The following ATP2B1 variants were observed in gnomAD, a reference collection of about 807,000 sequenced individuals.
ATP2B1 encodes the protein ATPase plasma membrane Ca2+ transporting 1.
Under a neutral mutation model 124.2 loss-of-function variants are expected in ATP2B1, and 14 were observed. The ratio of observed to expected loss-of-function variants is 0.11; its 90% CI spans 0.07 to 0.18. The LOEUF (loss-of-function observed/expected upper bound fraction) is 0.18, where lower values mean the gene tolerates loss of function less well. Ranked by LOEUF, ATP2B1 falls within the 10% of genes least tolerant of loss-of-function variation. ATP2B1 has a pLI of 1.00. For synonymous variants in ATP2B1, 449 were observed against 492.4 expected (o/e 0.91, Z 1.17); for missense variants, 763 against 1,466.1 (o/e 0.52, Z 7.83).
At chr12:89,669,317 T>C (rs1050368661) in intron 1 of ATP2B1, among the ~76,000 whole-genome samples, 10 of 152,156 alleles carry the variant, frequency 6.6e-5, no homozygotes, top group African/African-American at 9.7e-5. Context: ...GGCAATGATA[T>C]TGAAGACAAA....
intron 1 of ATP2B1, among the ~76,000 whole-genome samples, chr12:89,686,332 A>C (rs1377698064): frequency 6.6e-6 from 1 of 152,086 alleles, no homozygotes; most frequent in Non-Finnish European, 1.5e-5. Flanking sequence ...ATCCATTGTA[A>C]TTTGATTTAC....
rs574236056 is a variant in ATP2B1 at position 89,589,397 on chromosome 12, A to G, written c.*1587T>C. On this transcript the variant is annotated 3_prime_UTR_variant, in exon 21 of 21. Transcript: ENST00000428670. ...AAGAAAAAGAGAGCTAAAGAATCCA[A>G]TTGGCTTAGAGGTGGGCATTCTAGC... 11 of 152,396 alleles carry G rather than the reference A, an allele frequency of 7.2e-5. No individual in the cohort carries two copies. In the South Asian group the frequency reaches 2.3e-3, roughly 32 times the overall value. The allele number at this position is 152,396 out of a possible 1,614,324, so 9.4% of individuals were successfully genotyped here.
chr12:89,626,380 T>C lies in ATP2B1; in HGVS notation c.1129+74A>G, dbSNP rs1325910750. 3.4e-6 allele frequency: 5 copies of C among 1,457,038 alleles called. No individual in the cohort carries two copies. In the African/African-American group the frequency reaches 7.1e-5, roughly 21 times the overall value. The allele number at this position is 1,457,038 out of a possible 1,614,324, so 90.3% of individuals were successfully genotyped here. The stretch of plus-strand genomic sequence containing the variant: ...CAAAGCAACAATTTCCAGCCTTAAG[T>C]GTGTCAAAAGACAATTTTTAAGCAG... On this transcript the variant is annotated intron_variant, in intron 8 of 20. Coordinates refer to ENST00000428670, the MANE Select transcript of ATP2B1 (RefSeq NM_001366521.1).
intron 1 of ATP2B1, among the ~76,000 whole-genome samples, chr12:89,697,910 C>A (rs978768224): frequency 9.2e-5 from 14 of 152,018 alleles, no homozygotes; most frequent in Non-Finnish European, 1.8e-4. Flanking sequence ...GAGTCTCGCT[C>A]TGTTGTCCAG....
At chr12:89,639,357 A>G (rs1202890404) in intron 3 of ATP2B1, among the ~76,000 whole-genome samples, 5 of 152,040 alleles carry the variant, frequency 3.3e-5, no homozygotes, top group Admixed American at 3.3e-4. Context: ...TACAAAAATT[A>G]GCCAGGCATG....
intron 15 of ATP2B1, among the ~76,000 whole-genome samples, chr12:89,608,913 T>A (rs770938145): frequency 5.9e-5 from 9 of 152,134 alleles, no homozygotes; most frequent in Non-Finnish European, 1.2e-4. Context: ...ACCATTTAAA[T>A]TTGGGATGGG....
chr12:89,661,695 C>T (rs926023618), intron 1 of ATP2B1, among the ~76,000 whole-genome samples: 4 of 152,120 alleles, frequency 2.6e-5, no homozygotes, highest in South Asian at 2.1e-4. Flanking sequence ...TTTTTGACTA[C>T]GGGCTTTCAA....
chr12:89,647,230 C>G (rs4842671), intron 2 of ATP2B1, among the ~76,000 whole-genome samples: 139,120 of 151,998 alleles, frequency 0.92, 64,154 homozygotes, highest in East Asian at 0.99. Flanking sequence ...TGGAATTGAT[C>G]TTCTTATGGC....
At position 89,621,651 on chromosome 12, in the gene ATP2B1, T is replaced by C; in HGVS notation, c.1485A>G (p.Lys495=). ...CTGGTTCAGGAACCTTTTTATAATG[T>C]TTTTCATTTATGTAAGCTTGAACGA... ...MTVVQAYINE[K]HYKKVPEPEA... is the part of the protein sequence containing the mutation. The change falls in exon 10 of 21, where the codon AAA becomes AAG. Residue 495 remains lysine (K), a synonymous_variant. Coordinates refer to ENST00000428670, the MANE Select transcript of ATP2B1 (RefSeq NM_001366521.1). 1 of 1,612,204 alleles carries C rather than the reference T, an allele frequency of 6.2e-7. No individual in the cohort carries two copies. The highest frequency in any genetic ancestry group is 8.5e-7 in the Non-Finnish European group (1 of 1,178,926).
intron 1 of ATP2B1, among the ~76,000 whole-genome samples, chr12:89,683,774 G>A (rs1226988399): frequency 1.3e-5 from 2 of 152,170 alleles, no homozygotes; most frequent in African/African-American, 4.8e-5. Flanking sequence ...CGGATTGCTA[G>A]AGAAGGGAAT....
intron 15 of ATP2B1, among the ~76,000 whole-genome samples, chr12:89,606,857 T>C (rs1877008898): frequency 6.6e-6 from 1 of 152,134 alleles, no homozygotes; most frequent in Non-Finnish European, 1.5e-5. Flanking sequence ...ATTACAGGTG[T>C]GAGCCACCAT....
intron 1 of ATP2B1, among the ~76,000 whole-genome samples, chr12:89,697,124 C>T (rs1891234797): frequency 1.4e-5 from 2 of 142,546 alleles, no homozygotes; most frequent in South Asian, 4.4e-4. Context: ...AATAGGAAGA[C>T]AGAAATTTAA....
intron 2 of ATP2B1, among the ~76,000 whole-genome samples, chr12:89,649,445 G>T (rs1335648154): frequency 6.6e-6 from 1 of 152,184 alleles, no homozygotes; most frequent in African/African-American, 2.4e-5. Context: ...GACTTGTGTG[G>T]TCTACCACTC....
intron 1 of ATP2B1, among the ~76,000 whole-genome samples, chr12:89,698,966 C>T (rs1891503873): frequency 6.6e-6 from 1 of 152,162 alleles, no homozygotes; most frequent in African/African-American, 2.4e-5. Flanking sequence ...AGCAAGCTTC[C>T]AGCCTTCTGC....
chr12:89,627,584 C>T, intron 7 of ATP2B1, 94 bp downstream of exon 7: 1 of 1,395,770 alleles, frequency 7.2e-7, no homozygotes, highest in Non-Finnish European at 1.0e-6. Context: ...TTTTCCCTGC[C>T]ACATGTATCT....
chr12:89,614,696 C>T (rs1206798459), intron 12 of ATP2B1, among the ~76,000 whole-genome samples: 1 of 152,168 alleles, frequency 6.6e-6, no homozygotes, highest in African/African-American at 2.4e-5. Flanking sequence ...TCAGACTAGC[C>T]CACTTTCAGG....
At chr12:89,686,261 C>T (rs1398932465) in intron 1 of ATP2B1, among the ~76,000 whole-genome samples, 1 of 152,054 alleles carries the variant, frequency 6.6e-6, no homozygotes, top group African/African-American at 2.4e-5. Context: ...AAAAGTATAT[C>T]CAGCTTAAGC....
At chr12:89,592,261 ATG>A (rs1269161717) in intron 20 of ATP2B1, among the ~76,000 whole-genome samples, 1 of 152,212 alleles carries the variant, frequency 6.6e-6, no homozygotes, top group African/African-American at 2.4e-5. Context: ...AGCATTTACT[ATG>A]TATCAATTCA....
intron 5 of ATP2B1, 28 bp from the exon 6 acceptor site, chr12:89,630,673 A>T: frequency 7.0e-7 from 1 of 1,427,666 alleles, no homozygotes; most frequent in South Asian, 1.8e-5. Context: ...GTTTGTTTTT[A>T]AAAATACTGA....
Sources: allele counts gnomAD v4.1 joint callset (sites outside exome capture counted in the v4.1 genomes callset), GRCh38; gene constraint gnomAD v4.1.1; transcripts MANE v1.5; gene names NCBI Gene and HGNC (gene_info 2026-07-23, HGNC 2026-07-21).